Variants in SIL1 observed in about 807,000 individuals in gnomAD.
SIL1 encodes SIL1 nucleotide exchange factor.
Under a neutral mutation model 49.1 loss-of-function variants are expected in SIL1, and 40 were observed. That is an observed-to-expected ratio of 0.81 (90% CI 0.63 to 1.06). The LOEUF is 1.06. Among genes scored for constraint, SIL1 ranks in the 50% least tolerant of loss-of-function variants. SIL1 has a pLI of 0.00. For missense variants in SIL1, 500 were observed against 572.6 expected (o/e 0.87, Z 1.29); for synonymous variants, 253 against 250.8 (o/e 1.01, Z -0.08).
intron 3 of SIL1, among the ~76,000 whole-genome samples, chr5:139,115,831 G>A (rs181469480): frequency 1.2e-4 from 18 of 152,320 alleles, no homozygotes; most frequent in Admixed American, 3.3e-4. Context: ...GAGATTGTGA[G>A]AATCCCCAAC....
At chr5:138,960,564 T>C (rs1262486167) in intron 7 of SIL1, among the ~76,000 whole-genome samples, 1 of 152,120 alleles carries the variant, frequency 6.6e-6, no homozygotes, top group Non-Finnish European at 1.5e-5. Flanking sequence ...TAGCTGGGAC[T>C]ACAGACACAC....
At chr5:138,983,309 C>A (rs548452443) in intron 7 of SIL1, among the ~76,000 whole-genome samples, 9 of 150,958 alleles carry the variant, frequency 6.0e-5, no homozygotes, top group South Asian at 4.2e-4. Flanking sequence ...GAGATTGAGA[C>A]CATCCTGGCT....
At chr5:139,127,494 T>C (rs573030652) in intron 2 of SIL1, among the ~76,000 whole-genome samples, 2 of 146,590 alleles carry the variant, frequency 1.4e-5, no homozygotes, top group African/African-American at 5.4e-5. Context: ...AGATTATAAT[T>C]ATGAATTTAT....
chr5:139,114,612 A>G (rs1770945692), intron 3 of SIL1, among the ~76,000 whole-genome samples: 2 of 152,200 alleles, frequency 1.3e-5, no homozygotes, highest in Non-Finnish European at 2.9e-5. Context: ...AGAGGGAGGG[A>G]CCAGAAGTAT....
chr5:138,951,120 G>A (rs1766762604), intron 9 of SIL1, 51 bp downstream of exon 9: 2 of 1,591,496 alleles, frequency 1.3e-6, no homozygotes, highest in African/African-American at 1.3e-5. Flanking sequence ...CATCCACCCA[G>A]AAGCACACAC....
At chr5:139,124,649 G>A (rs1163235802) in intron 2 of SIL1, among the ~76,000 whole-genome samples, 3 of 152,160 alleles carry the variant, frequency 2.0e-5, no homozygotes, top group Admixed American at 1.3e-4. Context: ...ACCACAGGCT[G>A]GACAGTGAGT....
At chr5:139,139,075 G>C (rs1581128276) in intron 1 of SIL1, among the ~76,000 whole-genome samples, 2 of 152,202 alleles carry the variant, frequency 1.3e-5, no homozygotes, top group South Asian at 2.1e-4. Flanking sequence ...CTCTAAGGGG[G>C]AGTCAGGGAG....
intron 7 of SIL1, among the ~76,000 whole-genome samples, chr5:138,982,732 A>T (rs946381518): frequency 6.6e-6 from 1 of 152,194 alleles, no homozygotes; most frequent in Non-Finnish European, 1.5e-5. Context: ...CTAGGACAGA[A>T]CTTCCCTAGC....
chr5:139,190,818 C>T (rs1752153796), intron 1 of SIL1, among the ~76,000 whole-genome samples: 1 of 152,178 alleles, frequency 6.6e-6, no homozygotes, highest in Non-Finnish European at 1.5e-5. Context: ...TAATATCTTC[C>T]AGCCCAAAAC....
At chr5:139,112,039 G>A (rs1241396914) in intron 3 of SIL1, among the ~76,000 whole-genome samples, 2 of 152,236 alleles carry the variant, frequency 1.3e-5, no homozygotes, top group Admixed American at 6.5e-5. Flanking sequence ...TGGAGACGGG[G>A]TTTCGCTGTG....
chr5:139,143,102 A>G (rs768682873), intron 1 of SIL1, among the ~76,000 whole-genome samples: 83 of 151,812 alleles, frequency 5.5e-4, no homozygotes, highest in Non-Finnish European at 1.0e-3. Context: ...ACATAATACT[A>G]TAAGTTCTAG....
chr5:138,958,589 C>T (rs1018790098), intron 7 of SIL1, among the ~76,000 whole-genome samples: 3 of 152,020 alleles, frequency 2.0e-5, no homozygotes. Context: ...ATCTAAAATC[C>T]AAAATGCTCT....
intron 7 of SIL1, among the ~76,000 whole-genome samples, chr5:138,970,001 A>C (rs1435071183): frequency 6.6e-6 from 1 of 152,244 alleles, no homozygotes; most frequent in East Asian, 1.9e-4. Flanking sequence ...TGGCTGCAAC[A>C]GTACTGTGCC....
chr5:139,023,164 G>T (rs768206270), intron 6 of SIL1, among the ~76,000 whole-genome samples: 15 of 152,136 alleles, frequency 9.9e-5, no homozygotes, highest in Non-Finnish European at 2.1e-4. Context: ...TTTTCTCATG[G>T]TTTACTTCAC....
chr5:139,195,457 C>T (rs377740026), intron 1 of SIL1, among the ~76,000 whole-genome samples: 5 of 152,016 alleles, frequency 3.3e-5, no homozygotes, highest in East Asian at 3.9e-4. Context: ...GCGTGATCTC[C>T]GCTCACTGCA....
chr5:138,996,676 C>A lies in SIL1; in HGVS notation c.767+24495G>T, dbSNP rs144695801. The stretch of plus-strand genomic sequence containing the variant: ...CTGGGACTACAGGTGCGAGCCACCA[C>A]GCCCAGCTAATTTTTATGTTTTTAG... On this transcript the variant is annotated intron_variant, in intron 7 of 9. Transcript: ENST00000394817. Among the ~76,000 whole-genome samples, 1,051 of 151,782 alleles carry A rather than the reference C, an allele frequency of 6.9e-3. 12 individuals are homozygous for A. Among genetic ancestry groups the A allele is most frequent in the African/African-American group, 0.02 (809 of 41,366 alleles).
At chr5:139,130,638 A>G (rs1750845575) in intron 1 of SIL1, among the ~76,000 whole-genome samples, 2 of 152,346 alleles carry the variant, frequency 1.3e-5, no homozygotes, top group South Asian at 2.1e-4. Flanking sequence ...CATATCCCCC[A>G]AAGAATTGAA....
chr5:139,171,066 G>C (rs1359983382), intron 1 of SIL1, among the ~76,000 whole-genome samples: 1 of 150,740 alleles, frequency 6.6e-6, no homozygotes, highest in Non-Finnish European at 1.5e-5. Context: ...TGCCCCGTCC[G>C]GGAGGGAGGT....
At chr5:139,014,460 T>C (rs1162140494) in intron 7 of SIL1, among the ~76,000 whole-genome samples, 1 of 151,566 alleles carries the variant, frequency 6.6e-6, no homozygotes, top group Non-Finnish European at 1.5e-5. Context: ...CTGAGAGTTA[T>C]GTAAGGAAGA....
Sources: gnomAD v4.1 joint callset for allele counts (sites outside exome capture counted in the v4.1 genomes callset) on GRCh38, gnomAD v4.1.1 for gene constraint, MANE v1.5 for transcripts, NCBI Gene and HGNC (gene_info 2026-07-23, HGNC 2026-07-21) for gene names.